Variants in TIPIN observed in about 807,000 individuals in gnomAD.
The protein encoded by TIPIN is TIMELESS interacting protein.
In TIPIN, 29 loss-of-function variants were observed where a neutral mutation model predicts 35.6. That is an observed-to-expected ratio of 0.82 (90% CI 0.61 to 1.11). The LOEUF (loss-of-function observed/expected upper bound fraction) is 1.11. Among genes scored for constraint, TIPIN ranks in the 50% most tolerant of loss-of-function variants. The pLI is 0.00. For synonymous variants in TIPIN, 102 were observed against 121.5 expected, an observed-to-expected ratio of 0.84 and a Z score of 1.06; for missense variants, 296 against 345.4, an observed-to-expected ratio of 0.86 and a Z score of 1.13.
intron 1 of TIPIN, among the ~76,000 whole-genome samples, chr15:66,375,595 T>C (rs1319848026): frequency 6.7e-6 from 1 of 149,032 alleles, no homozygotes; most frequent in Non-Finnish European, 1.5e-5. Flanking sequence ...TCCCAACACT[T>C]TGGGAGGCCA....
At chr15:66,382,296 T>C (rs12323975) in intron 1 of TIPIN, 84,709 of 967,742 alleles carry the variant, frequency 0.088, 3,855 homozygotes, top group African/African-American at 0.15. Context: ...TCTCAGGTCT[T>C]TCTCTCTCAA....
At position 66,336,898 on chromosome 15, in the gene TIPIN, A is replaced by G. The variant is rs557983209; in HGVS notation, c.*60T>C. Reference sequence around the variant, plus strand: ...TTTTCACTCCAAGAAGAAAAAATACATAGTAACGCCAAGCTTGCAGGACGA... The same window carrying G: ...TTTTCACTCCAAGAAGAAAAAATACGTAGTAACGCCAAGCTTGCAGGACGA... On this transcript the variant is annotated 3_prime_UTR_variant, in exon 8 of 8. Coordinates refer to ENST00000261881, the MANE Select transcript of TIPIN (RefSeq NM_017858.3). 1.3e-5 allele frequency: 19 copies of G among 1,455,880 alleles called. No individual in the cohort carries two copies. The South Asian group carries it at 2.2e-4, about 17-fold the overall frequency. The allele number at this position is 1,455,880 out of a possible 1,614,324, so 90.2% of individuals were successfully genotyped here. A position where few individuals can be genotyped will look rare whatever the true frequency, so the allele number is the denominator to read the frequency against.
chr15:66,344,421 C>CA lies in TIPIN; in HGVS notation c.476-3066dup, dbSNP rs550775969. Among the ~76,000 whole-genome samples, 45 of 146,148 alleles carry CA rather than the reference C, an allele frequency of 3.1e-4. No individual in the cohort carries two copies. In the South Asian group the frequency reaches 8.6e-3, roughly 28 times the overall value. On this transcript the variant is annotated intron_variant, in intron 6 of 7. Coordinates refer to ENST00000261881, the MANE Select transcript of TIPIN (RefSeq NM_017858.3). ...ACATAGCAAGACCTCGTCTCTATTA[C>CA]AAAAAAAAGTAAAAAAAAAAGCAAA...
At chr15:66,367,403 T>C (rs2093260500) in intron 1 of TIPIN, among the ~76,000 whole-genome samples, 1 of 149,220 alleles carries the variant, frequency 6.7e-6, no homozygotes, top group South Asian at 2.1e-4. Flanking sequence ...AAGTCTGTCT[T>C]TTTTTTTTTG....
chr15:66,359,353 T>G (rs1375009075), upstream of TIPIN, among the ~76,000 whole-genome samples: 2 of 152,162 alleles, frequency 1.3e-5, no homozygotes, highest in Admixed American at 1.3e-4. Context: ...AATTTAGTTT[T>G]TTTTGTTTTT....
chr15:66,366,974 A>T (rs1256606432), intron 1 of TIPIN: 2 of 739,600 alleles, frequency 2.7e-6, no homozygotes, highest in Admixed American at 6.3e-5. Context: ...CGAGGTCAGG[A>T]GTTTGAGACC....
Position 66,336,765 on chromosome 15 carries a change from C to T in TIPIN, c.*193G>A, listed in dbSNP as rs2093047373. ...GAAGAAATACCTATATAAAAACAAA[C>T]ACTAAAGAGAACAAATAGATTTAAC... On this transcript the variant is annotated 3_prime_UTR_variant, in exon 8 of 8. Transcript: ENST00000261881. 1 of 546,198 alleles carries T rather than the reference C, an allele frequency of 1.8e-6. No individual in the cohort carries two copies. The highest frequency in any genetic ancestry group is 3.2e-6 in the Non-Finnish European group (1 of 309,996). 33.8% of individuals were successfully genotyped at this position (546,198 alleles called of 1,614,324 possible).
At chr15:66,363,762 C>T (rs1271732528) in intron 1 of TIPIN, among the ~76,000 whole-genome samples, 1 of 151,884 alleles carries the variant, frequency 6.6e-6, no homozygotes. Context: ...GTGGGTGGAT[C>T]ACGAGGTCAG....
chr15:66,339,694 C>A (rs2093071513), intron 7 of TIPIN, among the ~76,000 whole-genome samples: 1 of 152,088 alleles, frequency 6.6e-6, no homozygotes, highest in Non-Finnish European at 1.5e-5. Flanking sequence ...GATCACACCA[C>A]TGCACTCTAG....
In TIPIN at chr15:66,354,921, G is replaced by A. The variant is rs1000779925; in HGVS notation, c.-9+1718C>T. Among the ~76,000 whole-genome samples the A allele has an allele frequency of 4.6e-5, 7 of 151,486 alleles. 1 individual carries two copies. In the South Asian group the frequency reaches 8.3e-4, roughly 18 times the overall value. ...TTATTTATACAGTTATTTATTGTTC[G>A]TCTCCCAAACTAGACTGTAGCTCAA... On this transcript the variant is annotated intron_variant, in intron 1 of 7. Coordinates refer to ENST00000261881, the MANE Select transcript of TIPIN (RefSeq NM_017858.3).
chr15:66,347,993 T>A (rs182260872), intron 6 of TIPIN, among the ~76,000 whole-genome samples: 106 of 141,480 alleles, frequency 7.5e-4, no homozygotes, highest in Non-Finnish European at 1.0e-3. Flanking sequence ...CTCTAACTAC[T>A]TCTATTCTTT....
chr15:66,344,373 A>G (rs1182075809), intron 6 of TIPIN, among the ~76,000 whole-genome samples: 1 of 152,122 alleles, frequency 6.6e-6, no homozygotes, highest in Non-Finnish European at 1.5e-5. Context: ...CTTGAGAACA[A>G]GAGTTCAAGA....
At chr15:66,337,366 C>T (rs1278092193) in intron 7 of TIPIN, among the ~76,000 whole-genome samples, 185 bp from the exon 8 acceptor site, 1 of 149,148 alleles carries the variant, frequency 6.7e-6, no homozygotes, top group African/African-American at 2.5e-5. Context: ...CGCTCCATCA[C>T]TTTGGCTGGA....
intron 1 of TIPIN, among the ~76,000 whole-genome samples, chr15:66,380,994 T>G (rs2140502360): frequency 6.6e-6 from 1 of 152,226 alleles, no homozygotes; most frequent in East Asian, 1.9e-4. Flanking sequence ...TAATTTCAGA[T>G]TTTACCTATT....
In TIPIN at chr15:66,364,144, GA is replaced by G. The variant is rs1188837558; in HGVS notation, c.-8-11190del. Among the ~76,000 whole-genome samples, 5 of 143,708 alleles carry G rather than the reference GA, an allele frequency of 3.5e-5. No individual in the cohort carries two copies. The East Asian group carries it at 1.0e-3, about 30-fold the overall frequency. 94.3% of individuals were successfully genotyped at this position (143,708 alleles called of 152,430 possible). ...CCAAACCATATCAACATGCTATAGA[GA>G]AATCTTTCTTTTCTTTTTTTTTTTT... is the stretch of plus-strand genomic sequence containing the variant. On this transcript the variant is annotated intron_variant, in intron 1 of 7. Transcript: ENST00000562124.
upstream of TIPIN, among the ~76,000 whole-genome samples, chr15:66,357,646 A>C (rs1214496302): frequency 6.7e-6 from 1 of 150,060 alleles, no homozygotes; most frequent in Non-Finnish European, 1.5e-5. Context: ...GAATGTAAAC[A>C]AAAAAAAATG....
chr15:66,349,324 C>G lies in TIPIN; in HGVS notation c.402G>C (p.Lys134Asn). The change falls in exon 5 of 8, where the codon AAG (lysine) becomes AAC (asparagine). Residue 134 changes from lysine to asparagine, a missense_variant. Physicochemically the swap from Lys to Asn is moderately conservative, Grantham distance 94. Transcript: ENST00000261881. ...TCATCTCAACACTTACCTGAACTTC[C>G]TTTTTACTTCCCAGGTATTCAACTC... ...IDRVEYLGSK[K>N]EVQTCLKRIR... 1 of 1,613,564 alleles carries G rather than the reference C, an allele frequency of 6.2e-7. No homozygotes were observed. Among genetic ancestry groups the G allele is most frequent in the Non-Finnish European group, 8.5e-7 (1 of 1,179,994 alleles).
chr15:66,348,991 C>T, intron 6 of TIPIN, 69 bp downstream of exon 6: 1 of 1,254,404 alleles, frequency 8.0e-7, no homozygotes, highest in Non-Finnish European at 1.1e-6. Flanking sequence ...AGGGTTGAGC[C>T]ACCACACCCT....
rs1420767414 is a variant in TIPIN, at chr15:66,339,149, AAAAAAAAAG to A, written c.683-1977_683-1969del. ...TCCATCTCAAAAAAAAAAAAAAAAA[AAAAAAAAAG>A]CAAAAAGAAAAAGTAAATTCATCTT... On this transcript the variant is annotated intron_variant, in intron 7 of 7. Coordinates refer to ENST00000261881, the MANE Select transcript of TIPIN (RefSeq NM_017858.3). 2.5e-3 allele frequency among the ~76,000 whole-genome samples: 137 copies of A among 55,278 alleles called. 7 individuals carry two copies. The highest frequency in any genetic ancestry group is 0.015 in the Middle Eastern group (2 of 132). 36.3% of individuals were successfully genotyped at this position (55,278 alleles called of 152,430 possible). A position where few individuals can be genotyped will look rare whatever the true frequency, so the allele number is the denominator to read the frequency against.
Sources: gnomAD v4.1 joint callset for allele counts (sites outside exome capture counted in the v4.1 genomes callset) on GRCh38, gnomAD v4.1.1 for gene constraint, MANE v1.5 for transcripts, NCBI Gene and HGNC (gene_info 2026-07-23, HGNC 2026-07-21) for gene names.